SAMMSON: variants seen among roughly 807,000 people sequenced by gnomAD.
The protein encoded by SAMMSON is long intergenic non-protein coding RNA 1212.
chr3:70,373,315 C>G (rs956154885), intron 9 of SAMMSON, among the ~76,000 whole-genome samples: 1 of 152,106 alleles, frequency 6.6e-6, no homozygotes, highest in Non-Finnish European at 1.5e-5. Context: ...TTCTTTCTGT[C>G]CTTCATCATT....
chr3:70,192,930 C>T (rs115615510), intron 4 of SAMMSON, among the ~76,000 whole-genome samples: 112 of 152,142 alleles, frequency 7.4e-4, no homozygotes, highest in African/African-American at 2.5e-3. Context: ...TGTTGGTGGG[C>T]GCGGGGGGTT....
At chr3:70,369,016 C>T (rs1036753178) in intron 9 of SAMMSON, among the ~76,000 whole-genome samples, 1 of 151,330 alleles carries the variant, frequency 6.6e-6, no homozygotes, top group Non-Finnish European at 1.5e-5. Context: ...TGTAGATTTT[C>T]TTTGATTTTT....
chr3:70,324,403 TTTC>T (rs967178442), intron 7 of SAMMSON, among the ~76,000 whole-genome samples: 36 of 152,242 alleles, frequency 2.4e-4, no homozygotes, highest in African/African-American at 8.2e-4. Context: ...GAATCTTTAA[TTTC>T]TTGTTTGTCA....
chr3:70,400,791 G>T (rs1487568702), intron 2 of SAMMSON, among the ~76,000 whole-genome samples: 1 of 152,030 alleles, frequency 6.6e-6, no homozygotes, highest in African/African-American at 2.4e-5. Flanking sequence ...AATTAGCCAG[G>T]TGTGGTGGTG....
intron 4 of SAMMSON, among the ~76,000 whole-genome samples, chr3:70,146,886 C>T (rs983628075): frequency 3.3e-5 from 5 of 151,708 alleles, no homozygotes; most frequent in Admixed American, 1.3e-4. Flanking sequence ...GAAATAAGAC[C>T]GTCACCTATT....
At chr3:70,123,384 C>A (rs1486849818) in intron 4 of SAMMSON, among the ~76,000 whole-genome samples, 1 of 152,194 alleles carries the variant, frequency 6.6e-6, no homozygotes, top group Non-Finnish European at 1.5e-5. Context: ...GATTCTTGTG[C>A]CTCAGTCTCC....
chr3:70,218,780 T>C (rs1306615457), intron 4 of SAMMSON, among the ~76,000 whole-genome samples: 2 of 152,178 alleles, frequency 1.3e-5, no homozygotes, highest in Admixed American at 1.3e-4. Flanking sequence ...TCAGCATTTT[T>C]GGTAACCCAT....
chr3:70,039,785 C>T (rs572054894), intron 3 of SAMMSON, among the ~76,000 whole-genome samples: 1 of 152,120 alleles, frequency 6.6e-6, no homozygotes, highest in South Asian at 2.1e-4. Flanking sequence ...GTCCCTGCAG[C>T]AACTGGGTGC....
intron 2 of SAMMSON, among the ~76,000 whole-genome samples, chr3:70,414,891 T>G (rs1235748237): frequency 6.6e-6 from 1 of 152,178 alleles, no homozygotes; most frequent in Non-Finnish European, 1.5e-5. Flanking sequence ...ATATAATTTT[T>G]GGTTAAGAGC....
chr3:70,183,179 C>T (rs1036212234), intron 4 of SAMMSON, among the ~76,000 whole-genome samples: 1 of 152,186 alleles, frequency 6.6e-6, no homozygotes, highest in Non-Finnish European at 1.5e-5. Context: ...ATCCACGTTT[C>T]AGCAGAGGAA....
At chr3:70,330,286 C>T (rs2106722073) in intron 7 of SAMMSON, among the ~76,000 whole-genome samples, 1 of 151,972 alleles carries the variant, frequency 6.6e-6, no homozygotes, top group South Asian at 2.1e-4. Context: ...TATAGTTGAT[C>T]TAAACCCTTC....
chr3:70,065,748 A>T (rs1288426055), intron 3 of SAMMSON, among the ~76,000 whole-genome samples: 2 of 152,076 alleles, frequency 1.3e-5, no homozygotes, highest in African/African-American at 4.8e-5. Context: ...TGCACAGCAC[A>T]GCCACCCCCA....
intron 4 of SAMMSON, among the ~76,000 whole-genome samples, chr3:70,086,792 G>T (rs765015): frequency 0.57 from 86,785 of 152,096 alleles, 26,646 homozygotes; most frequent in Non-Finnish European, 0.67. Flanking sequence ...CAACAGCAGA[G>T]TTAACATGCG....
At chr3:70,047,840 A>G (rs988078469) in intron 3 of SAMMSON, among the ~76,000 whole-genome samples, 1 of 152,214 alleles carries the variant, frequency 6.6e-6, no homozygotes, top group Non-Finnish European at 1.5e-5. Flanking sequence ...GAGTCACCAC[A>G]TGGATGAAGA....
At position 70,125,912 on chromosome 3, in the gene SAMMSON, C is replaced by T. The variant is rs535854541; in HGVS notation, n.507+54347C>T. The T allele has an allele frequency of 7.1e-4, 501 of 705,304 alleles. 2 individuals carry two copies. Among genetic ancestry groups the T allele is most frequent in the African/African-American group, 5.8e-3 (331 of 57,354 alleles). The allele number at this position is 705,304 out of a possible 1,614,324, so 43.7% of individuals were successfully genotyped here. A position where few individuals can be genotyped will look rare whatever the true frequency, so the allele number is the denominator to read the frequency against. ...AATTCTTCACTAGATAATTCCTCAT[C>T]GTCTTCTGGCCAAGGAGGTTCCTCA... On this transcript the variant is annotated intron_variant and non_coding_transcript_variant, in intron 4 of 9. Coordinates refer to ENST00000642114, the Ensembl canonical transcript of SAMMSON.
At chr3:70,230,049 T>C (rs1255268277) in intron 4 of SAMMSON, among the ~76,000 whole-genome samples, 1 of 152,176 alleles carries the variant, frequency 6.6e-6, no homozygotes, top group African/African-American at 2.4e-5. Flanking sequence ...TTAGATGCTG[T>C]TGCTGCCATC....
At chr3:70,028,770 A>G (rs1240734864) in intron 3 of SAMMSON, among the ~76,000 whole-genome samples, 1 of 152,240 alleles carries the variant, frequency 6.6e-6, no homozygotes, top group East Asian at 1.9e-4. Context: ...CATACTCAAA[A>G]TGAGATGTGT....
At chr3:70,216,026 C>A (rs7638748) in intron 4 of SAMMSON, among the ~76,000 whole-genome samples, 48,588 of 151,754 alleles carry the variant, frequency 0.32, 10,115 homozygotes, top group Non-Finnish European at 0.46. Flanking sequence ...TGTGAAAATA[C>A]AAAAAGATAC....
chr3:70,388,180 C>G (rs537389348), intron 9 of SAMMSON, among the ~76,000 whole-genome samples: 14 of 152,214 alleles, frequency 9.2e-5, no homozygotes, highest in African/African-American at 2.9e-4. Flanking sequence ...TGTGGTAAAG[C>G]AGGATTGAGC....
Sources: gnomAD v4.1 joint callset for allele counts (sites outside exome capture counted in the v4.1 genomes callset) on GRCh38, gnomAD v4.1.1 for gene constraint, MANE v1.5 for transcripts, NCBI Gene and HGNC (gene_info 2026-07-23, HGNC 2026-07-21) for gene names.